Variants in GABRA3 observed in about 807,000 individuals in gnomAD.
The protein encoded by GABRA3 is gamma-aminobutyric acid receptor subunit alpha-3.
In GABRA3, 10 loss-of-function variants were observed where a neutral mutation model predicts 30.1. That is an observed-to-expected ratio of 0.33 (90% confidence interval 0.20 to 0.56). The LOEUF is 0.56. GABRA3 is among the 20% of genes least tolerant of loss of function. The pLI, the probability that GABRA3 is intolerant of heterozygous loss-of-function variation, is 0.89. For synonymous variants in GABRA3, 151 were observed against 146.8 expected, an observed-to-expected ratio of 1.03 and a Z score of -0.21; for missense variants, 233 against 392.0, an observed-to-expected ratio of 0.59 and a Z score of 3.42.
intron 3 of GABRA3, among the ~76,000 whole-genome samples, chrX:152,333,264 A>T (rs1252473455): frequency 8.9e-6 from 1 of 111,976 alleles, no homozygotes; most frequent in Non-Finnish European, 1.9e-5. Flanking sequence ...GCAGGCCAAA[A>T]TTTCAGAAAA....
chrX:152,367,757 A>G (rs1928696677), intron 1 of GABRA3, among the ~76,000 whole-genome samples: 1 of 111,151 alleles, frequency 9.0e-6, no homozygotes, highest in Non-Finnish European at 1.9e-5. Context: ...CCACCCCCAC[A>G]CACATATATA....
intron 8 of GABRA3, among the ~76,000 whole-genome samples, chrX:152,197,146 G>A (rs149545087): frequency 1.7e-4 from 19 of 112,116 alleles, no homozygotes; most frequent in African/African-American, 6.2e-4. Context: ...GGCTTTGATC[G>A]TGGGTACTAT....
intron 2 of GABRA3, among the ~76,000 whole-genome samples, chrX:152,360,317 C>G (rs1458540028): frequency 4.3e-5 from 3 of 69,207 alleles, no homozygotes; most frequent in Non-Finnish European, 8.0e-5. Flanking sequence ...TCCACATCCT[C>G]TCCAGCACCT....
chrX:152,298,552 A>G lies in GABRA3; in HGVS notation c.263-13817T>C, dbSNP rs1044512758. On this transcript the variant is annotated intron_variant, in intron 3 of 9. Transcript: ENST00000370314. ...ATCCATGTCCCTACAAAGGACATGA[A>G]CTCATCATTTTTTATGGCTGCATAG... 2.7e-5 allele frequency among the ~76,000 whole-genome samples: 3 copies of G among 110,172 alleles called. No homozygotes were observed. In the Admixed American group the frequency reaches 2.9e-4, roughly 11 times the overall value.
intron 4 of GABRA3, among the ~76,000 whole-genome samples, chrX:152,277,021 T>C (rs2124433102): frequency 8.9e-6 from 1 of 111,775 alleles, no homozygotes; most frequent in East Asian, 2.8e-4. Context: ...AAAAAGACAT[T>C]TGACTCATTT....
chrX:152,236,594 A>G (rs1176979810), intron 5 of GABRA3, among the ~76,000 whole-genome samples: 9 of 104,569 alleles, frequency 8.6e-5, no homozygotes, highest in Admixed American at 2.1e-4. Flanking sequence ...TGGTTGAACT[A>G]GTTTACAGTC....
chrX:152,313,260 G>C (rs2124461224), intron 3 of GABRA3, among the ~76,000 whole-genome samples: 1 of 111,770 alleles, frequency 8.9e-6, no homozygotes, highest in East Asian at 2.8e-4. Context: ...GATCAGCAAA[G>C]TTTGGGGATC....
intron 5 of GABRA3, among the ~76,000 whole-genome samples, chrX:152,237,995 G>T (rs1333192403): frequency 1.8e-5 from 2 of 109,383 alleles, no homozygotes; most frequent in Non-Finnish European, 3.8e-5. Flanking sequence ...TCCTTCTCCT[G>T]CCTGATTGCC....
intron 1 of GABRA3, among the ~76,000 whole-genome samples, chrX:152,387,264 T>A (rs190887911): frequency 2.7e-5 from 3 of 110,355 alleles, no homozygotes; most frequent in Non-Finnish European, 5.7e-5. Context: ...AAGCTGCACA[T>A]TGTGCACATG....
At chrX:152,201,827 T>C (rs1394610681) in intron 7 of GABRA3, among the ~76,000 whole-genome samples, 1 of 111,677 alleles carries the variant, frequency 9.0e-6, no homozygotes, top group Non-Finnish European at 1.9e-5. Context: ...TTTCTTTTTA[T>C]CTCCATCTCT....
intron 1 of GABRA3, among the ~76,000 whole-genome samples, chrX:152,385,723 T>G (rs1603252132): frequency 1.8e-5 from 2 of 111,939 alleles, no homozygotes; most frequent in East Asian, 2.8e-4. Flanking sequence ...TTTATGGTTT[T>G]GGGTCTAACG....
chrX:152,246,722 T>C (rs1465518471), intron 5 of GABRA3, among the ~76,000 whole-genome samples: 2 of 111,346 alleles, frequency 1.8e-5, no homozygotes, highest in Non-Finnish European at 3.8e-5. Context: ...GAGACCAAAA[T>C]GAACCACTCC....
intron 4 of GABRA3, among the ~76,000 whole-genome samples, chrX:152,262,682 C>T (rs764174393): frequency 5.4e-5 from 6 of 112,072 alleles, no homozygotes; most frequent in African/African-American, 1.6e-4. Flanking sequence ...AACTTCCCCA[C>T]ATCTTCCTGT....
intron 1 of GABRA3, among the ~76,000 whole-genome samples, chrX:152,427,081 C>A (rs1930532075): frequency 9.0e-6 from 1 of 111,398 alleles, no homozygotes. Context: ...TTACTGTTCT[C>A]CATCTCCTTT....
Position 152,167,707 on chromosome X carries a change from A to T in GABRA3, c.*521T>A. 2 of 115,263 alleles carry T rather than the reference A, an allele frequency of 1.7e-5. No homozygotes were observed. Among genetic ancestry groups the T allele is most frequent in the Non-Finnish European group, 3.7e-5 (2 of 54,530 alleles). The allele number at this position is 115,263 out of a possible 1,213,427, so 9.5% of individuals were successfully genotyped here. On this transcript the variant is annotated 3_prime_UTR_variant, in exon 10 of 10. Coordinates refer to ENST00000370314, the MANE Select transcript of GABRA3 (RefSeq NM_000808.4). ...CCAATAAATGGGTTGGGGGTGTAGA[A>T]CTGGCTCCCACCTTTGCTATCAGTA...
intron 1 of GABRA3, among the ~76,000 whole-genome samples, chrX:152,391,242 A>T (rs1424103157): frequency 8.9e-6 from 1 of 111,935 alleles, no homozygotes; most frequent in African/African-American, 3.2e-5. Flanking sequence ...GTAGACAATG[A>T]CAACTGCATT....
chrX:152,359,912 GA>G (rs985546347), intron 2 of GABRA3, among the ~76,000 whole-genome samples: 9 of 111,183 alleles, frequency 8.1e-5, no homozygotes, highest in Admixed American at 1.9e-4. Flanking sequence ...GGAAAGTAAA[GA>G]AAAAAATGTT....
chrX:152,410,982 A>T (rs1930055817), intron 1 of GABRA3, among the ~76,000 whole-genome samples: 1 of 111,653 alleles, frequency 9.0e-6, no homozygotes, highest in East Asian at 2.8e-4. Context: ...ATGTCTCACC[A>T]AACAGAAATT....
rs978414445 is a variant in GABRA3, at chrX:152,316,367, C to T, written c.262+29214G>A. The stretch of plus-strand genomic sequence containing the variant: ...CCAAGAAGTTTGGGATTATGTTAAA[C>T]GAACAAACCTAAGAATAATTGCCAT... On this transcript the variant is annotated intron_variant, in intron 3 of 9. Coordinates refer to ENST00000370314, the MANE Select transcript of GABRA3 (RefSeq NM_000808.4). 4.5e-5 allele frequency among the ~76,000 whole-genome samples: 5 copies of T among 111,500 alleles called. No homozygotes were observed. The East Asian group carries it at 1.1e-3, about 25-fold the overall frequency.
Sources: gnomAD v4.1 joint callset for allele counts (sites outside exome capture counted in the v4.1 genomes callset) on GRCh38, gnomAD v4.1.1 for gene constraint, MANE v1.5 for transcripts, NCBI Gene and HGNC (gene_info 2026-07-23, HGNC 2026-07-21) for gene names.